ADGRL3: variants seen among roughly 807,000 people sequenced by gnomAD.
The protein encoded by ADGRL3 is calcium-independent alpha-latrotoxin receptor 3.
ADGRL3 carries 62 observed loss-of-function variants against 153.5 expected under a neutral mutation model. The ratio of observed to expected loss-of-function variants is 0.40; its 90% CI spans 0.33 to 0.50. The LOEUF (loss-of-function observed/expected upper bound fraction) is 0.50. ADGRL3 is among the 20% of genes least tolerant of loss of function. ADGRL3 has a pLI of 0.47. For missense variants in ADGRL3, 1,641 were observed against 1,859.4 expected, an observed-to-expected ratio of 0.88 and a Z score of 2.16; for synonymous variants, 710 against 672.5, an observed-to-expected ratio of 1.06 and a Z score of -0.86.
At chr4:61,812,747 T>C (rs1309835160) in intron 8 of ADGRL3, among the ~76,000 whole-genome samples, 1 of 152,228 alleles carries the variant, frequency 6.6e-6, no homozygotes, top group South Asian at 2.1e-4. Flanking sequence ...TAACAATTTT[T>C]CAAATCAGCA....
chr4:61,267,126 A>G (rs949481432), intron 1 of ADGRL3, among the ~76,000 whole-genome samples: 3 of 151,778 alleles, frequency 2.0e-5, no homozygotes, highest in African/African-American at 7.2e-5. Flanking sequence ...AAACAGTTAT[A>G]GTGCTAGCTG....
At chr4:61,555,972 C>T (rs1042827669) in intron 4 of ADGRL3, among the ~76,000 whole-genome samples, 5 of 152,070 alleles carry the variant, frequency 3.3e-5, no homozygotes, top group African/African-American at 1.2e-4. Context: ...TCAGCAAGGT[C>T]TTTATGACCT....
At chr4:61,717,290 A>G (rs1001292343) in intron 6 of ADGRL3, among the ~76,000 whole-genome samples, 3 of 151,932 alleles carry the variant, frequency 2.0e-5, no homozygotes, top group Non-Finnish European at 2.9e-5. Flanking sequence ...AACATCATGC[A>G]TTTGAATATA....
In ADGRL3 at chr4:61,544,459, T is replaced by C. The variant is rs1007912792; in HGVS notation, c.259+26941T>C. ...GCTTTTAAGAACTACTGATGGTAAG[T>C]AAGCCTTTGCCATTTTCAAATGTGC... is the stretch of plus-strand genomic sequence containing the variant. On this transcript the variant is annotated intron_variant, in intron 4 of 26. Coordinates refer to ENST00000683033, the MANE Select transcript of ADGRL3 (RefSeq NM_001387552.1). 1.6e-4 allele frequency among the ~76,000 whole-genome samples: 25 copies of C among 152,334 alleles called. 1 individual carries two copies. The highest frequency in any genetic ancestry group is 6.8e-3 in the Middle Eastern group (2 of 294).
chr4:61,497,515 C>CTTTTTTTTT (rs5858707), intron 3 of ADGRL3, among the ~76,000 whole-genome samples, 167 bp downstream of exon 3: 3 of 95,326 alleles, frequency 3.1e-5, no homozygotes, highest in Non-Finnish European at 6.8e-5. Flanking sequence ...CTTTTCTTTT[C>CTTTTTTTTT]TTTTTTTTTT....
intron 9 of ADGRL3, among the ~76,000 whole-genome samples, chr4:61,851,589 C>CAAAAA (rs759990537): frequency 1.8e-4 from 10 of 55,220 alleles, no homozygotes; most frequent in African/African-American, 5.5e-4. Context: ...GACCATGTCT[C>CAAAAA]AAAAAAAAAA....
chr4:61,864,097 A>C (rs751383544), intron 9 of ADGRL3, among the ~76,000 whole-genome samples: 1 of 152,202 alleles, frequency 6.6e-6, no homozygotes, highest in African/African-American at 2.4e-5. Flanking sequence ...AAGATACTGT[A>C]CTCAATGCTG....
intron 5 of ADGRL3, among the ~76,000 whole-genome samples, chr4:61,598,024 T>A (rs1302273504): frequency 6.6e-6 from 1 of 152,104 alleles, no homozygotes; most frequent in Non-Finnish European, 1.5e-5. Flanking sequence ...GTTTTTCACC[T>A]TTCTAGGTAA....
intron 4 of ADGRL3, among the ~76,000 whole-genome samples, chr4:61,547,612 A>T (rs2098719917): frequency 6.6e-6 from 1 of 152,054 alleles, no homozygotes; most frequent in African/African-American, 2.4e-5. Flanking sequence ...ATGGCTGCAT[A>T]GTTTTCCATG....
chr4:61,938,887 A>AAAT (rs1553888031), intron 15 of ADGRL3, among the ~76,000 whole-genome samples: 4 of 138,394 alleles, frequency 2.9e-5, no homozygotes, highest in Admixed American at 1.4e-4. Flanking sequence ...AAAAAAAAAA[A>AAAT]TTTTTTTTTT....
At chr4:61,544,133 A>G (rs2098702928) in intron 4 of ADGRL3, among the ~76,000 whole-genome samples, 1 of 152,186 alleles carries the variant, frequency 6.6e-6, no homozygotes, top group South Asian at 2.1e-4. Flanking sequence ...CACATAGGTA[A>G]CTTTACTATT....
intron 6 of ADGRL3, among the ~76,000 whole-genome samples, chr4:61,728,701 C>T (rs117519819): frequency 2.6e-5 from 4 of 152,112 alleles, no homozygotes; most frequent in African/African-American, 9.6e-5. Context: ...TTTCAAGGAA[C>T]CAAATTAGTT....
At chr4:61,985,907 TA>T (rs11463550) in intron 19 of ADGRL3, among the ~76,000 whole-genome samples, 3 of 144,354 alleles carry the variant, frequency 2.1e-5, no homozygotes, top group African/African-American at 2.5e-5. Flanking sequence ...CTAGGATTAG[TA>T]AAAAAAAAAA....
rs144736789 is a variant in ADGRL3, at chr4:61,303,541, G to A, written c.-239-79583G>A. 2.3e-3 allele frequency among the ~76,000 whole-genome samples: 345 copies of A among 151,936 alleles called. 2 individuals are homozygous for A. The highest frequency in any genetic ancestry group is 3.4e-3 in the Non-Finnish European group (230 of 67,928). On this transcript the variant is annotated intron_variant, in intron 1 of 26. Coordinates refer to ENST00000683033, the MANE Select transcript of ADGRL3 (RefSeq NM_001387552.1). ...ACCTGAAACTAGCTGTGACAGAAAC[G>A]GTTTCTGGAAAATATCATTATGTGA...
intron 22 of ADGRL3, among the ~76,000 whole-genome samples, chr4:62,030,960 C>T (rs1418453326): frequency 1.3e-5 from 2 of 151,368 alleles, no homozygotes; most frequent in Non-Finnish European, 1.5e-5. Flanking sequence ...CCTCCTAATA[C>T]GAGTTATATT....
At chr4:61,607,456 C>T (rs1026302963) in intron 5 of ADGRL3, among the ~76,000 whole-genome samples, 8 of 151,952 alleles carry the variant, frequency 5.3e-5, no homozygotes, top group South Asian at 2.1e-4. Flanking sequence ...AAAAATTAGC[C>T]GGGTGTGGTG....
rs1241673016 is a variant in ADGRL3 at position 61,584,220 on chromosome 4, T to C, written c.260-3007T>C. Among the ~76,000 whole-genome samples the C allele has an allele frequency of 3.4e-4, 52 of 152,014 alleles. 1 individual carries two copies. Among genetic ancestry groups the C allele is most frequent in the Admixed American group, 3.4e-3 (52 of 15,220 alleles). ...CATTAACAAATTCCCGTAAACAAAGTATCCATCATTTATGGAGTGCAGTTT... is the reference window on the plus strand; with the variant it reads ...CATTAACAAATTCCCGTAAACAAAGCATCCATCATTTATGGAGTGCAGTTT... On this transcript the variant is annotated intron_variant, in intron 4 of 26. Coordinates refer to ENST00000683033, the MANE Select transcript of ADGRL3 (RefSeq NM_001387552.1).
intron 13 of ADGRL3, among the ~76,000 whole-genome samples, chr4:61,930,175 CAAA>C (rs5858743): frequency 8.3e-5 from 6 of 72,544 alleles, no homozygotes; most frequent in Admixed American, 1.4e-4. Context: ...GACTCTGTCT[CAAA>C]AAAAAAAAAA....
intron 17 of ADGRL3, among the ~76,000 whole-genome samples, chr4:61,949,055 T>C (rs1194884070): frequency 2.0e-5 from 3 of 150,262 alleles, no homozygotes; most frequent in Non-Finnish European, 4.4e-5. Flanking sequence ...AGTGCATCAG[T>C]AGTAGGTAAG....
Sources: allele counts gnomAD v4.1 joint callset (sites outside exome capture counted in the v4.1 genomes callset), GRCh38; gene constraint gnomAD v4.1.1; transcripts MANE v1.5; gene names NCBI Gene and HGNC (gene_info 2026-07-23, HGNC 2026-07-21).